The following SYTL2 variants were observed in gnomAD, a reference collection of about 807,000 sequenced individuals.
The protein encoded by SYTL2 is synaptotagmin-like protein 2.
In SYTL2, 165 loss-of-function variants were observed where a neutral mutation model predicts 198.7. That is an observed-to-expected ratio of 0.83 (90% CI 0.73 to 0.94). The LOEUF is 0.94. SYTL2 is among the 40% of genes least tolerant of loss of function. The probability of loss-of-function intolerance (pLI) is 0.00; values close to 1 mark genes in which losing one functional copy is unlikely to be tolerated. For synonymous variants in SYTL2, 966 were observed against 917.7 expected (o/e 1.05, Z -0.95); for missense variants, 2,835 against 2,582.8 (o/e 1.10, Z -2.12).
At chr11:85,736,853 A>G (rs2090381074) in intron 5 of SYTL2, among the ~76,000 whole-genome samples, 1 of 152,206 alleles carries the variant, frequency 6.6e-6, no homozygotes, top group South Asian at 2.1e-4. Context: ...TCAGAATCAG[A>G]CACTTAAATC....
intron 7 of SYTL2, among the ~76,000 whole-genome samples, chr11:85,731,865 A>G (rs1037548565): frequency 3.3e-5 from 5 of 152,254 alleles, no homozygotes; most frequent in African/African-American, 1.2e-4. Context: ...AGAATCTACA[A>G]GGAACTTAAA....
chr11:85,740,514 C>T (rs988414246), intron 4 of SYTL2, among the ~76,000 whole-genome samples: 1 of 152,128 alleles, frequency 6.6e-6, no homozygotes, highest in Non-Finnish European at 1.5e-5. Context: ...CTTCATAAAT[C>T]GGTGCATTAT....
intron 1 of SYTL2, among the ~76,000 whole-genome samples, chr11:85,762,255 T>C (rs1181753055): frequency 1.3e-5 from 2 of 152,176 alleles, no homozygotes; most frequent in African/African-American, 4.8e-5. Context: ...GGGAAGAATT[T>C]TGGCTACTAC....
intron 11 of SYTL2, among the ~76,000 whole-genome samples, chr11:85,715,333 T>C (rs1269981361): frequency 6.6e-6 from 1 of 152,140 alleles, no homozygotes; most frequent in Admixed American, 6.5e-5. Context: ...ACAGCTCTTA[T>C]AATGAATAAG....
chr11:85,779,820 T>C (rs1478527377), intron 1 of SYTL2, among the ~76,000 whole-genome samples: 2 of 152,198 alleles, frequency 1.3e-5, no homozygotes, highest in Non-Finnish European at 2.9e-5. Context: ...AGAAGACTTG[T>C]TAGGTACATC....
intron 1 of SYTL2, among the ~76,000 whole-genome samples, chr11:85,799,999 G>T (rs919769024): frequency 1.3e-5 from 2 of 152,162 alleles, no homozygotes; most frequent in African/African-American, 4.8e-5. Context: ...AATAGCAAGA[G>T]ATTTTCTGTA....
At position 85,727,268 on chromosome 11, in the gene SYTL2, T is replaced by C. The variant is rs1261171888; in HGVS notation, c.2090A>G (p.Glu697Gly). Residue 697 changes from glutamate (E) to glycine (G), a missense_variant, in exon 8 of 20, where the codon GAA becomes GGA. Transcript: ENST00000359152. ...TNNIGNLGEEEPKFHAHEENR... is the reference protein window; with the variant it reads ...TNNIGNLGEEGPKFHAHEENR... ...TTCTTCATGAGCATGAAACTTGGGT[T>C]CTTCTTCACCCAAGTTGCCAATATT... The C allele has an allele frequency of 3.3e-6, 5 of 1,535,146 alleles. No homozygotes were observed. The highest frequency in any genetic ancestry group is 3.5e-6 in the Non-Finnish European group (4 of 1,146,606).
chr11:85,789,354 A>ATATATATATG (rs1566026038), intron 1 of SYTL2, among the ~76,000 whole-genome samples: 16 of 57,218 alleles, frequency 2.8e-4, no homozygotes, highest in South Asian at 8.1e-4. Flanking sequence ...ATATATATAT[A>ATATATATATG]TATATATATA....
At position 85,805,258 on chromosome 11, in the gene SYTL2, A is replaced by T. The variant is rs373011496; in HGVS notation, c.-390+5696T>A. Among the ~76,000 whole-genome samples, 6 of 151,530 alleles carry T rather than the reference A, an allele frequency of 4.0e-5. No homozygotes were observed. The South Asian group carries it at 6.3e-4, about 16-fold the overall frequency. On this transcript the variant is annotated intron_variant, in intron 1 of 19. Coordinates refer to ENST00000359152, the MANE Select transcript of SYTL2 (RefSeq NM_206927.4). Reference sequence around the variant, plus strand: ...GTAACCCCAGTGTTTTGGGTGGCCAAGGTGGGAAGACTGCTTGAGCCCAGG... The same window carrying T: ...GTAACCCCAGTGTTTTGGGTGGCCATGGTGGGAAGACTGCTTGAGCCCAGG...
chr11:85,800,723 C>T (rs969202263), intron 1 of SYTL2, among the ~76,000 whole-genome samples: 5 of 152,330 alleles, frequency 3.3e-5, no homozygotes, highest in Admixed American at 3.3e-4. Flanking sequence ...TCCCTCCTCA[C>T]TTCCTCACAC....
the SYTL2 span, among the ~76,000 whole-genome samples, chr11:85,818,179 A>G: frequency 6.6e-6 from 1 of 152,082 alleles, no homozygotes; most frequent in East Asian, 1.9e-4. Context: ...CTGGTATTAC[A>G]GGCGTGAGCC....
At chr11:85,849,235 G>T in the SYTL2 span, among the ~76,000 whole-genome samples, 2 of 152,044 alleles carry the variant, frequency 1.3e-5, no homozygotes, top group Non-Finnish European at 2.9e-5. Flanking sequence ...TCCCATTTTG[G>T]AGGCTGCCTG....
chr11:85,801,868 G>A (rs1007727420), intron 1 of SYTL2, among the ~76,000 whole-genome samples: 11 of 149,996 alleles, frequency 7.3e-5, no homozygotes, highest in Non-Finnish European at 1.5e-4. Flanking sequence ...TCGCTGGAGT[G>A]CAATGGCGCG....
At chr11:85,796,519 T>A (rs969323522) in intron 1 of SYTL2, among the ~76,000 whole-genome samples, 1 of 152,204 alleles carries the variant, frequency 6.6e-6, no homozygotes, top group African/African-American at 2.4e-5. Context: ...TGAGATATTA[T>A]GAAAAATGCA....
chr11:85,705,759 C>T (rs1459595292), intron 15 of SYTL2, among the ~76,000 whole-genome samples: 1 of 152,168 alleles, frequency 6.6e-6, no homozygotes, highest in Non-Finnish European at 1.5e-5. Context: ...TGTAGTAAGT[C>T]TGCCTTTCTC....
Position 85,724,663 on chromosome 11 carries a change from A to C in SYTL2, c.4695T>G (p.Asp1565Glu). Residue 1565 changes from aspartate (D) to glutamate (E), a missense_variant, in exon 8 of 20, where the codon GAT (aspartate) becomes GAG (glutamate). This residue lies in a region of SYTL2 where 2,645 missense variants were observed against 2,381.7 expected (regional missense o/e 1.11). Coordinates refer to ENST00000359152, the MANE Select transcript of SYTL2 (RefSeq NM_206927.4). ...EAPLITESAFDAGFEKLLKEI... is the reference protein window; with the variant it reads ...EAPLITESAFEAGFEKLLKEI... ...CTTTAAGAAGTTTCTCAAAACCAGCATCAAAAGCACTCTCAGTTATTAACG... is the reference window on the plus strand; with the variant it reads ...CTTTAAGAAGTTTCTCAAAACCAGCCTCAAAAGCACTCTCAGTTATTAACG... The C allele has an allele frequency of 6.2e-7, 1 of 1,613,950 alleles. No individual in the cohort carries two copies. The highest frequency in any genetic ancestry group is 8.5e-7 in the Non-Finnish European group (1 of 1,179,962).
At chr11:85,850,942 C>T in the SYTL2 span, among the ~76,000 whole-genome samples, 6 of 145,928 alleles carry the variant, frequency 4.1e-5, no homozygotes, top group South Asian at 2.2e-4. Flanking sequence ...AACCAAACAC[C>T]GCATATTCTC....
At chr11:85,833,091 GAA>G in the SYTL2 span, among the ~76,000 whole-genome samples, 1 of 47,386 alleles carries the variant, frequency 2.1e-5, no homozygotes, top group African/African-American at 6.7e-5. Flanking sequence ...AAGAAAGAAA[GAA>G]AGAAAGAAGG....
chr11:85,736,813 T>C (rs679204), intron 5 of SYTL2, among the ~76,000 whole-genome samples, 198 bp from the exon 6 acceptor site: 89,315 of 152,048 alleles, frequency 0.59, 26,694 homozygotes, highest in Middle Eastern at 0.66. Context: ...ATATAAAATA[T>C]ATGCAAAGCC....
Sources: allele counts gnomAD v4.1 joint callset (sites outside exome capture counted in the v4.1 genomes callset), GRCh38; gene constraint gnomAD v4.1.1; regional missense constraint gnomAD v4.1.1; transcripts MANE v1.5; gene names NCBI Gene and HGNC (gene_info 2026-07-23, HGNC 2026-07-21).